The following TMEM132B variants were observed in gnomAD, a reference collection of about 807,000 sequenced individuals.
The protein encoded by TMEM132B is transmembrane protein 132B.
A neutral mutation model predicts 90.8 loss-of-function variants in TMEM132B; 18 were observed. That is an observed-to-expected ratio of 0.20 (90% confidence interval 0.14 to 0.29). The LOEUF (loss-of-function observed/expected upper bound fraction) is 0.29. TMEM132B is among the 10% of genes least tolerant of loss of function. TMEM132B has a pLI of 1.00. For missense variants in TMEM132B, 1,096 were observed against 1,326.8 expected, an observed-to-expected ratio of 0.83 and a Z score of 2.70; for synonymous variants, 504 against 523.3, an observed-to-expected ratio of 0.96 and a Z score of 0.50.
At chr12:125,573,373 T>A (rs2136835809) in intron 4 of TMEM132B, among the ~76,000 whole-genome samples, 1 of 152,302 alleles carries the variant, frequency 6.6e-6, no homozygotes, top group African/African-American at 2.4e-5. Context: ...TAAACTCAAT[T>A]TTCTAGCAGT....
rs1034577178 is a variant in TMEM132B, at chr12:125,458,160, TGG to T, written c.1106+42487_1106+42488del. On this transcript the variant is annotated intron_variant, in intron 3 of 8. Transcript: ENST00000682704. The surrounding 1 kb of genome is among the most constrained non-coding windows in gnomAD (Gnocchi z 4.9). ...GCAGGACTCAGGGACAGAATCTGTGTGGGGGATGGAGCTGAGTGGGAGGCAGT... is the reference window on the plus strand; with the variant it reads ...GCAGGACTCAGGGACAGAATCTGTGTGGGATGGAGCTGAGTGGGAGGCAGT... 1.3e-5 allele frequency among the ~76,000 whole-genome samples: 2 copies of T among 151,534 alleles called. No homozygotes were observed. The highest frequency in any genetic ancestry group is 2.9e-5 in the Non-Finnish European group (2 of 67,850).
At position 125,321,913 on chromosome 12, in the gene TMEM132B, A is replaced by G. The variant is rs146617535; in HGVS notation, c.68-27539A>G. On this transcript the variant is annotated intron_variant, in intron 1 of 8. Coordinates refer to ENST00000682704, the MANE Select transcript of TMEM132B (RefSeq NM_001366854.1). Reference sequence around the variant, plus strand: ...CATTGCCCCAAACTGGAAACAACCTAAATGTCCATCAACTAGTGAATGCAT... The same window carrying G: ...CATTGCCCCAAACTGGAAACAACCTGAATGTCCATCAACTAGTGAATGCAT... 1.8e-4 allele frequency among the ~76,000 whole-genome samples: 28 copies of G among 152,324 alleles called. No homozygotes were observed. In the East Asian group the frequency reaches 4.2e-3, roughly 23 times the overall value.
At chr12:125,456,627 G>A (rs1445759847) in intron 3 of TMEM132B, among the ~76,000 whole-genome samples, 5 of 152,144 alleles carry the variant, frequency 3.3e-5, no homozygotes, top group Admixed American at 1.3e-4. Context: ...TCTCTTACAG[G>A]TTCCTTCTGA....
rs543281615 is a variant in TMEM132B, at chr12:125,364,570, A to G, written c.959+14227A>G. Among the ~76,000 whole-genome samples, 94 of 152,258 alleles carry G rather than the reference A, an allele frequency of 6.2e-4. No homozygotes were observed. In the South Asian group the frequency reaches 0.018, roughly 29 times the overall value. On this transcript the variant is annotated intron_variant, in intron 2 of 8. Coordinates refer to ENST00000682704, the MANE Select transcript of TMEM132B (RefSeq NM_001366854.1). ...TTTATGTGATTTTGACTGGAATTAC[A>G]TTGACTATAGAGATCAATTTATGGA...
In TMEM132B at chr12:125,213,891, T is replaced by A. The variant is rs1053025991; in HGVS notation, c.67+27025T>A. Among the ~76,000 whole-genome samples the A allele has an allele frequency of 1.3e-5, 2 of 152,254 alleles. No homozygotes were observed. The highest frequency in any genetic ancestry group is 3.2e-3 in the Middle Eastern group (1 of 316). On this transcript the variant is annotated intron_variant, in intron 1 of 8. Coordinates refer to ENST00000682704, the MANE Select transcript of TMEM132B (RefSeq NM_001366854.1). The surrounding 1 kb of genome is among the most constrained non-coding windows in gnomAD (Gnocchi z 4.2). ...CCACCAAATCTGTCTTTAGGATAAC[T>A]CATTCATTTATCAATCTATCCAAAT...
In TMEM132B at chr12:125,550,037, G is replaced by A. The variant is rs116332902; in HGVS notation, c.1293+30412G>A. 9.8e-3 allele frequency among the ~76,000 whole-genome samples: 1,495 copies of A among 152,286 alleles called. 27 individuals are homozygous for A. Among genetic ancestry groups the A allele is most frequent in the African/African-American group, 0.035 (1,440 of 41,548 alleles). ...GTACTGGGCCTTTCCAGCAGAGGAC[G>A]CTAGAGGGACAGTGTGGGGCACATC... On this transcript the variant is annotated intron_variant, in intron 4 of 8. Transcript: ENST00000682704.
chr12:125,528,419 G>A (rs1883551873), intron 4 of TMEM132B, among the ~76,000 whole-genome samples: 1 of 152,246 alleles, frequency 6.6e-6, no homozygotes, highest in Non-Finnish European at 1.5e-5. Flanking sequence ...GCTCAGCACA[G>A]GCTACAATGA....
At chr12:125,610,625 C>G (rs1885801307) in intron 5 of TMEM132B, among the ~76,000 whole-genome samples, 1 of 151,486 alleles carries the variant, frequency 6.6e-6, no homozygotes, top group Non-Finnish European at 1.5e-5. Flanking sequence ...AAATCTCTCT[C>G]TCTCTCTCTC....
chr12:125,348,901 T>C (rs2136231669), intron 1 of TMEM132B, among the ~76,000 whole-genome samples: 1 of 152,330 alleles, frequency 6.6e-6, no homozygotes, highest in African/African-American at 2.4e-5. Flanking sequence ...TTCTCATTGG[T>C]ATTTCGGAAG....
Position 125,644,232 on chromosome 12 carries a change from G to A in TMEM132B, c.1594G>A (p.Glu532Lys), listed in dbSNP as rs777948829. The change falls in exon 6 of 9, where the codon GAG (glutamate) becomes AAG (lysine). Residue 532 changes from glutamate (E) to lysine (K), a missense_variant. Physicochemically the swap from Glu to Lys is moderately conservative, Grantham distance 56. Transcript: ENST00000682704. ...LPLQIEISDT[E>K]LSQIKGWRIP... ...CCTGCAGATTGAGATCTCAGACACC[G>A]AGCTGAGCCAGATCAAGGGCTGGAG... 4.0e-5 allele frequency: 65 copies of A among 1,614,072 alleles called. No individual in the cohort carries two copies. The highest frequency in any genetic ancestry group is 5.2e-5 in the Non-Finnish European group (61 of 1,180,046).
chr12:125,234,841 T>G (rs1873898417), intron 1 of TMEM132B, among the ~76,000 whole-genome samples: 1 of 152,206 alleles, frequency 6.6e-6, no homozygotes, highest in African/African-American at 2.4e-5. Context: ...TTGTTTAATA[T>G]TCCAGTTGCT....
chr12:125,505,503 AG>A lies in TMEM132B; in HGVS notation c.1107-13935del, dbSNP rs1882823392. On this transcript the variant is annotated intron_variant, in intron 3 of 8. Transcript: ENST00000682704. ...CACTTGAGGTCAGGAGTTTGAGACC[AG>A]CCTGGTCAGTGTGGTGAAATCCCGT... is the stretch of plus-strand genomic sequence containing the variant. 2.0e-5 allele frequency among the ~76,000 whole-genome samples: 3 copies of A among 152,210 alleles called. No individual in the cohort carries two copies. The South Asian group carries it at 6.2e-4, about 32-fold the overall frequency.
At chr12:125,576,319 T>C (rs1454600860) in intron 4 of TMEM132B, among the ~76,000 whole-genome samples, 2 of 152,086 alleles carry the variant, frequency 1.3e-5, no homozygotes, top group East Asian at 3.8e-4. Flanking sequence ...TTTCATCTTG[T>C]ATCCTGAAAT....
At chr12:125,313,188 C>T (rs563986741) in intron 1 of TMEM132B, among the ~76,000 whole-genome samples, 3 of 152,200 alleles carry the variant, frequency 2.0e-5, no homozygotes, top group African/African-American at 7.2e-5. Flanking sequence ...AGGTCAGGGG[C>T]TCGTGATGAT....
At chr12:125,486,399 C>T (rs1043741025) in intron 3 of TMEM132B, among the ~76,000 whole-genome samples, 10 of 152,178 alleles carry the variant, frequency 6.6e-5, no homozygotes, top group African/African-American at 2.4e-4. Context: ...AATCTTGGAC[C>T]TGCCATTTGT....
At chr12:125,624,942 T>C (rs1409129383) in intron 5 of TMEM132B, among the ~76,000 whole-genome samples, 1 of 152,084 alleles carries the variant, frequency 6.6e-6, no homozygotes, top group Non-Finnish European at 1.5e-5. Context: ...GGTCATATAC[T>C]CACTACCACA....
intron 4 of TMEM132B, among the ~76,000 whole-genome samples, chr12:125,544,992 G>C (rs995414581): frequency 9.2e-5 from 14 of 152,194 alleles, no homozygotes; most frequent in African/African-American, 3.1e-4. Context: ...GGGTCAAATG[G>C]CTGTGTGATT....
At chr12:125,646,102 C>T (rs1023772570) in intron 6 of TMEM132B, among the ~76,000 whole-genome samples, 6 of 152,174 alleles carry the variant, frequency 3.9e-5, no homozygotes, top group South Asian at 2.1e-4. Context: ...ACTTCAAAAA[C>T]GCTGCCAGTG....
chr12:125,617,510 C>G (rs996198293), intron 5 of TMEM132B, among the ~76,000 whole-genome samples: 1 of 151,886 alleles, frequency 6.6e-6, no homozygotes, highest in African/African-American at 2.4e-5. Flanking sequence ...CACACCTGGC[C>G]AATTTTGTAT....
Sources: gnomAD v4.1 joint callset for allele counts (sites outside exome capture counted in the v4.1 genomes callset) on GRCh38, gnomAD v4.1.1 for gene constraint, Gnocchi (gnomAD v3.1) non-coding constraint, MANE v1.5 for transcripts, NCBI Gene and HGNC (gene_info 2026-07-23, HGNC 2026-07-21) for gene names.